ANXA2: variants seen among roughly 807,000 people sequenced by gnomAD.
ANXA2 encodes the protein annexin A2, also known as annexin II.
A neutral mutation model predicts 47.3 loss-of-function variants in ANXA2; 28 were observed. That is an observed-to-expected ratio of 0.59 (90% CI 0.44 to 0.81). ANXA2 has a LOEUF of 0.81. Ranked by LOEUF, ANXA2 falls within the 40% of genes least tolerant of loss-of-function variation. The pLI, the probability that ANXA2 is intolerant of heterozygous loss-of-function variation, is 0.00. For missense variants in ANXA2, 384 were observed against 414.3 expected (o/e 0.93, Z 0.64); for synonymous variants, 172 against 155.5 (o/e 1.11, Z -0.79).
At position 60,351,734 on chromosome 15, in the gene ANXA2, G is replaced by C; in HGVS notation, c.768C>G (p.Phe256Leu). 6.2e-7 allele frequency: 1 copy of C among 1,611,296 alleles called. No homozygotes were observed. Among genetic ancestry groups the C allele is most frequent in the East Asian group, 2.2e-5 (1 of 44,870 alleles). Reference sequence around the variant, plus strand: ...GCCACATTCACTTACCCAGGTTCAGGAAAGCATTTTCCAGGTCTCCTTTAA... The same window carrying C: ...GCCACATTCACTTACCCAGGTTCAGCAAAGCATTTTCCAGGTCTCCTTTAA... The part of the protein sequence containing the change: ...KEVKGDLENA[F>L]LNLVQCIQNK... The change falls in exon 10 of 13, where the codon TTC (phenylalanine) becomes TTG (leucine). Residue 256 changes from phenylalanine to leucine, a missense_variant. Transcript: ENST00000451270.
chr15:60,351,531 G>A, intron 10 of ANXA2, 193 bp downstream of exon 10: 2 of 620,634 alleles, frequency 3.2e-6, no homozygotes, highest in Non-Finnish European at 5.8e-6. Flanking sequence ...CTCCTCCCTG[G>A]CAACAATCTG....
chr15:60,368,102 G>A (rs1028453894), intron 3 of ANXA2, among the ~76,000 whole-genome samples: 15 of 138,312 alleles, frequency 1.1e-4, no homozygotes, highest in African/African-American at 3.8e-4. Flanking sequence ...TTAAACAGAT[G>A]CTTGAAGGCA....
At chr15:60,397,833 C>T in intron 1 of ANXA2, 110 bp downstream of exon 1, 1 of 1,379,900 alleles carries the variant, frequency 7.2e-7, no homozygotes, top group Admixed American at 3.2e-5. Context: ...CCGACGGCCT[C>T]CGGGGCCAGT....
chr15:60,384,333 G>T (rs1404159474), intron 2 of ANXA2: 1 of 152,096 alleles, frequency 6.6e-6, no homozygotes, highest in African/African-American at 2.4e-5. Context: ...ACAGTGAGGG[G>T]GAAAAGTTTT....
At chr15:60,393,625 C>CA (rs2063043338) in intron 1 of ANXA2, 1 of 985,308 alleles carries the variant, frequency 1.0e-6, no homozygotes, top group South Asian at 4.7e-5. Context: ...CCAGGAACCT[C>CA]AATCTTAATT....
intron 1 of ANXA2, 196 bp downstream of exon 1, chr15:60,397,747 C>T: frequency 1.2e-6 from 1 of 846,592 alleles, no homozygotes; most frequent in Non-Finnish European, 1.6e-6. Flanking sequence ...CCCCTCACCC[C>T]TGCCCCAAAC....
chr15:60,351,867 G>T (rs762224831), intron 9 of ANXA2, 48 bp from the exon 10 acceptor site: 1 of 1,314,380 alleles, frequency 7.6e-7, no homozygotes, highest in Non-Finnish European at 1.1e-6. Context: ...ACTAGTCAAA[G>T]CTGTCAACGA....
At chr15:60,355,718 T>A (rs902193699) in intron 7 of ANXA2, 2 of 638,736 alleles carry the variant, frequency 3.1e-6, no homozygotes, top group Non-Finnish European at 5.8e-6. Flanking sequence ...AGTCCACTTG[T>A]CCATGAGGTT....
intron 2 of ANXA2, chr15:60,382,948 G>C (rs1400939678): frequency 6.5e-6 from 1 of 154,356 alleles, no homozygotes; most frequent in African/African-American, 2.4e-5. Context: ...GGTCACCACT[G>C]TGGCACCAAG....
chr15:60,396,329 T>G (rs556467424), intron 1 of ANXA2: 4 of 152,280 alleles, frequency 2.6e-5, no homozygotes, highest in Admixed American at 1.3e-4. Flanking sequence ...TCTAGCTGGA[T>G]GCAGGTCCGC....
At chr15:60,351,662 C>T in intron 10 of ANXA2, 62 bp downstream of exon 10, 2 of 1,065,486 alleles carry the variant, frequency 1.9e-6, no homozygotes, top group Admixed American at 1.7e-5. Flanking sequence ...AACAGGATGG[C>T]CATCTGTCAC....
At chr15:60,350,444 G>A (rs1446045663) in intron 11 of ANXA2, among the ~76,000 whole-genome samples, 1 of 152,134 alleles carries the variant, frequency 6.6e-6, no homozygotes, top group Non-Finnish European at 1.5e-5. Flanking sequence ...CTAATGATAT[G>A]TGCAATAAAG....
intron 5 of ANXA2, among the ~76,000 whole-genome samples, chr15:60,357,589 C>G (rs1054478628): frequency 5.9e-5 from 9 of 152,004 alleles, no homozygotes; most frequent in Non-Finnish European, 1.3e-4. Flanking sequence ...GTCAAGAGAT[C>G]AAGACCATTC....
chr15:60,381,406 G>A (rs760723288), intron 3 of ANXA2, among the ~76,000 whole-genome samples: 10 of 152,170 alleles, frequency 6.6e-5, no homozygotes, highest in South Asian at 2.1e-4. Flanking sequence ...AAGTCACCAC[G>A]AGAGCTGCAA....
At chr15:60,376,980 C>G (rs1022462749) in intron 3 of ANXA2, among the ~76,000 whole-genome samples, 1 of 152,226 alleles carries the variant, frequency 6.6e-6, no homozygotes, top group Non-Finnish European at 1.5e-5. Context: ...ACACGGCTAC[C>G]CCCGTCTAGG....
chr15:60,391,117 C>G (rs2063003677), intron 1 of ANXA2: 1 of 152,276 alleles, frequency 6.6e-6, no homozygotes, highest in Non-Finnish European at 1.5e-5. Flanking sequence ...CCTTTGAGCT[C>G]TCTTCCCTTC....
In ANXA2 at chr15:60,364,444, C is replaced by A. The variant is rs1242918093; in HGVS notation, c.228G>T (p.Gln76His). The A allele has an allele frequency of 6.2e-7, 1 of 1,611,802 alleles. No homozygotes were observed. ...AQRQDIAFAY[Q>H]RRTKKELASA... ...TTGCCTGTACCTTTTTGGTCCTTCT[C>A]TGGTAGGCGAAGGCAATATCCTGTC... The change falls in exon 4 of 13, where the codon CAG becomes CAT. Residue 76 changes from glutamine to histidine, a missense_variant. By Grantham distance (24) the Gln-to-His change is conservative. Coordinates refer to ENST00000451270, the MANE Select transcript of ANXA2 (RefSeq NM_004039.3).
chr15:60,369,105 G>A (rs1481892005), intron 3 of ANXA2, among the ~76,000 whole-genome samples: 1 of 152,090 alleles, frequency 6.6e-6, no homozygotes, highest in Non-Finnish European at 1.5e-5. Context: ...ACAAGAAGGG[G>A]GCTTGAACAA....
intron 3 of ANXA2, among the ~76,000 whole-genome samples, chr15:60,376,164 G>A (rs376329110): frequency 6.6e-6 from 1 of 152,034 alleles, no homozygotes; most frequent in African/African-American, 2.4e-5. Flanking sequence ...GATCACCTGA[G>A]GTCAGGAGCT....
Sources: gnomAD v4.1 joint callset for allele counts (sites outside exome capture counted in the v4.1 genomes callset) on GRCh38, gnomAD v4.1.1 for gene constraint, MANE v1.5 for transcripts, NCBI Gene and HGNC (gene_info 2026-07-23, HGNC 2026-07-21) for gene names.